ADCY2: variants seen among roughly 807,000 people sequenced by gnomAD.
ADCY2 encodes the protein adenylate cyclase 2, also known as adenylate cyclase type 2.
A neutral mutation model predicts 125.2 loss-of-function variants in ADCY2; 31 were observed. The ratio of observed to expected loss-of-function variants is 0.25; its 90% confidence interval spans 0.19 to 0.33. The LOEUF is 0.33. Ranked by LOEUF, ADCY2 falls within the 10% of genes least tolerant of loss-of-function variation. The pLI, the probability that ADCY2 is intolerant of heterozygous loss-of-function variation, is 1.00. For synonymous variants in ADCY2, 512 were observed against 548.4 expected (o/e 0.93, Z 0.93); for missense variants, 904 against 1,418.2 (o/e 0.64, Z 5.82).
rs539782818 is a variant in ADCY2 at position 7,673,190 on chromosome 5, C to T, written c.721-17501C>T. Reference sequence around the variant, plus strand: ...GGCCAAGGCAGGTGGATCACTTGAGCTCAGGACTACAAGACCAGCCTGGGC... The same window carrying T: ...GGCCAAGGCAGGTGGATCACTTGAGTTCAGGACTACAAGACCAGCCTGGGC... On this transcript the variant is annotated intron_variant, in intron 4 of 24. Transcript: ENST00000338316. Among the ~76,000 whole-genome samples, 3 of 132,770 alleles carry T rather than the reference C, an allele frequency of 2.3e-5. No homozygotes were observed. The East Asian group carries it at 6.5e-4, about 29-fold the overall frequency. The allele number at this position is 132,770 out of a possible 152,430, so 87.1% of individuals were successfully genotyped here. A position where few individuals can be genotyped will look rare whatever the true frequency, so the allele number is the denominator to read the frequency against.
intron 19 of ADCY2, among the ~76,000 whole-genome samples, chr5:7,788,032 C>T (rs4235589): frequency 0.21 from 23,742 of 110,662 alleles, 2,562 homozygotes; most frequent in East Asian, 0.56. Flanking sequence ...AAGCCAGTCA[C>T]ACCACTGATT....
At chr5:7,456,710 A>G (rs1741683872) in intron 2 of ADCY2, among the ~76,000 whole-genome samples, 6 of 152,210 alleles carry the variant, frequency 3.9e-5, no homozygotes, top group Admixed American at 3.9e-4. Context: ...TAATTCATGA[A>G]GTCTTGATGA....
chr5:7,484,071 G>A (rs75049089), intron 2 of ADCY2, among the ~76,000 whole-genome samples: 3,712 of 152,194 alleles, frequency 0.024, 154 homozygotes, highest in African/African-American at 0.085. Context: ...GCTCTTGTAA[G>A]ACATCAATAT....
intron 19 of ADCY2, among the ~76,000 whole-genome samples, chr5:7,789,140 A>G (rs1744173932): frequency 6.6e-6 from 1 of 152,252 alleles, no homozygotes; most frequent in Non-Finnish European, 1.5e-5. Context: ...TCCCAAGTGG[A>G]AGAAAAATCC....
In ADCY2 at chr5:7,693,406, G is replaced by GTTTTTTTTT. The variant is rs139450063; in HGVS notation, c.870-2340_870-2339insTTTTTTTTT. 3.4e-4 allele frequency among the ~76,000 whole-genome samples: 20 copies of GTTTTTTTTT among 58,650 alleles called. 1 individual carries two copies. The highest frequency in any genetic ancestry group is 6.1e-4 in the Non-Finnish European group (17 of 27,746). 38.5% of individuals were successfully genotyped at this position (58,650 alleles called of 152,430 possible). A position where few individuals can be genotyped will look rare whatever the true frequency, so the allele number is the denominator to read the frequency against. The stretch of plus-strand genomic sequence containing the variant: ...GTACCTTGCATCACAATTGCCTGCT[G>GTTTTTTTTT]TTTTTTGTTTTTTTTTTTTTTTTTT... On this transcript the variant is annotated intron_variant, in intron 5 of 24. Coordinates refer to ENST00000338316, the MANE Select transcript of ADCY2 (RefSeq NM_020546.3).
At chr5:7,594,768 T>A (rs1043618393) in intron 3 of ADCY2, among the ~76,000 whole-genome samples, 1 of 152,140 alleles carries the variant, frequency 6.6e-6, no homozygotes, top group African/African-American at 2.4e-5. Flanking sequence ...TTGGGAAACA[T>A]TCATCCAAAA....
intron 2 of ADCY2, among the ~76,000 whole-genome samples, chr5:7,509,266 G>T (rs1743964843): frequency 6.6e-6 from 1 of 152,156 alleles, no homozygotes; most frequent in South Asian, 2.1e-4. Context: ...GGAGAGGGAA[G>T]ATGACACATA....
chr5:7,423,585 ATGAT>A (rs1206989678), intron 2 of ADCY2, among the ~76,000 whole-genome samples: 1 of 152,162 alleles, frequency 6.6e-6, no homozygotes, highest in African/African-American at 2.4e-5. Flanking sequence ...GCCTTCTGCC[ATGAT>A]TGTGAGGCCT....
At chr5:7,554,527 G>A (rs1416841993) in intron 3 of ADCY2, among the ~76,000 whole-genome samples, 2 of 152,052 alleles carry the variant, frequency 1.3e-5, no homozygotes, top group Non-Finnish European at 2.9e-5. Flanking sequence ...CCATATTGTG[G>A]TTCTTTTAAA....
At chr5:7,777,258 T>G (rs1032756229) in intron 18 of ADCY2, among the ~76,000 whole-genome samples, 10 of 152,194 alleles carry the variant, frequency 6.6e-5, no homozygotes, top group Non-Finnish European at 1.5e-5. Flanking sequence ...TAACCCCTTT[T>G]CTGTGATATA....
chr5:7,433,928 T>C (rs765309401), intron 2 of ADCY2, among the ~76,000 whole-genome samples: 1 of 152,210 alleles, frequency 6.6e-6, no homozygotes, highest in Non-Finnish European at 1.5e-5. Flanking sequence ...CTTCATGTCA[T>C]ACAAATTAAA....
intron 3 of ADCY2, among the ~76,000 whole-genome samples, chr5:7,536,561 A>G (rs1218877370): frequency 1.3e-5 from 2 of 152,188 alleles, no homozygotes; most frequent in East Asian, 1.9e-4. Flanking sequence ...GATCTTACCC[A>G]TGCAATACCT....
chr5:7,718,462 G>A (rs1349621587), intron 12 of ADCY2, among the ~76,000 whole-genome samples: 1 of 152,018 alleles, frequency 6.6e-6, no homozygotes, highest in Non-Finnish European at 1.5e-5. Context: ...ATTGTTCCTT[G>A]TAGGTATTTA....
At chr5:7,448,606 AT>A in intron 2 of ADCY2, among the ~76,000 whole-genome samples, 1 of 152,174 alleles carries the variant, frequency 6.6e-6, no homozygotes, top group East Asian at 1.9e-4. Context: ...CCCAGCATCC[AT>A]TAGCTGTTCT....
At chr5:7,568,421 G>A (rs538828355) in intron 3 of ADCY2, among the ~76,000 whole-genome samples, 3 of 152,122 alleles carry the variant, frequency 2.0e-5, no homozygotes, top group South Asian at 2.1e-4. Context: ...ATAATTAGCT[G>A]TTTGACAGCC....
At chr5:7,803,155 T>C (rs1234285624) in intron 21 of ADCY2, among the ~76,000 whole-genome samples, 1 of 152,200 alleles carries the variant, frequency 6.6e-6, no homozygotes. Context: ...TAGATATTCA[T>C]GGTGACGTAA....
At chr5:7,624,361 G>T (rs1046616184) in intron 3 of ADCY2, among the ~76,000 whole-genome samples, 2 of 152,050 alleles carry the variant, frequency 1.3e-5, no homozygotes, top group African/African-American at 4.8e-5. Flanking sequence ...AAATGATCTT[G>T]CTGATTATCC....
chr5:7,649,463 A>C (rs1202541405), intron 4 of ADCY2, among the ~76,000 whole-genome samples: 1 of 152,238 alleles, frequency 6.6e-6, no homozygotes, highest in East Asian at 1.9e-4. Flanking sequence ...AGAGGAAGAG[A>C]AGAATGAAAG....
Position 7,827,003 on chromosome 5 carries a change from G to C in ADCY2, c.*132G>C. ...ATGGAGCCTCTGCAGACTCGTTCTC[G>C]TGACCCAGTGGCATACCGTTTGGTG... On this transcript the variant is annotated 3_prime_UTR_variant, in exon 25 of 25. Transcript: ENST00000338316. 1 of 1,099,240 alleles carries C rather than the reference G, an allele frequency of 9.1e-7. No individual in the cohort carries two copies. Among genetic ancestry groups the C allele is most frequent in the Non-Finnish European group, 1.3e-6 (1 of 781,414 alleles). The allele number at this position is 1,099,240 out of a possible 1,614,324, so 68.1% of individuals were successfully genotyped here. A position where few individuals can be genotyped will look rare whatever the true frequency, so the allele number is the denominator to read the frequency against.
Sources: gnomAD v4.1 joint callset for allele counts (sites outside exome capture counted in the v4.1 genomes callset) on GRCh38, gnomAD v4.1.1 for gene constraint, MANE v1.5 for transcripts, NCBI Gene and HGNC (gene_info 2026-07-23, HGNC 2026-07-21) for gene names.